Variants in CDH18 observed in about 807,000 individuals in gnomAD.
The protein encoded by CDH18 is cadherin-18.
CDH18 carries 31 observed loss-of-function variants against 67.9 expected under a neutral mutation model. The ratio of observed to expected loss-of-function variants is 0.46; its 90% CI spans 0.34 to 0.62. CDH18 has a LOEUF of 0.62. Ranked by LOEUF, CDH18 falls within the 20% of genes least tolerant of loss-of-function variation. The pLI is 0.01. For synonymous variants in CDH18, 362 were observed against 347.2 expected (o/e 1.04, Z -0.48); for missense variants, 890 against 975.5 (o/e 0.91, Z 1.17).
At chr5:20,003,131 T>C (rs1736583882) in intron 2 of CDH18, among the ~76,000 whole-genome samples, 1 of 152,146 alleles carries the variant, frequency 6.6e-6, no homozygotes, top group South Asian at 2.1e-4. Context: ...CAAGTATACA[T>C]TAGGATGTGA....
intron 5 of CDH18, among the ~76,000 whole-genome samples, chr5:19,669,443 C>G (rs1758440549): frequency 6.6e-6 from 1 of 151,748 alleles, no homozygotes; most frequent in Non-Finnish European, 1.5e-5. Flanking sequence ...CAGGCACATG[C>G]CACCACATCT....
chr5:19,873,577 G>A (rs1240720050), intron 2 of CDH18, among the ~76,000 whole-genome samples: 2 of 152,094 alleles, frequency 1.3e-5, no homozygotes, highest in Non-Finnish European at 2.9e-5. Flanking sequence ...AAGATTTGAA[G>A]CCTTTGGAAA....
intron 2 of CDH18, among the ~76,000 whole-genome samples, chr5:19,966,554 T>A (rs541674499): frequency 2.0e-5 from 3 of 152,094 alleles, no homozygotes; most frequent in Non-Finnish European, 4.4e-5. Context: ...ATCAGTCACA[T>A]GGTATAAAGA....
chr5:19,960,272 T>C (rs940354395), intron 2 of CDH18, among the ~76,000 whole-genome samples: 9 of 152,062 alleles, frequency 5.9e-5, no homozygotes, highest in Non-Finnish European at 1.3e-4. Flanking sequence ...CTGTATAAAA[T>C]ATTTTCTTTC....
In CDH18 at chr5:19,488,218, A is replaced by G. The variant is rs554178281; in HGVS notation, c.1631-4666T>C. Among the ~76,000 whole-genome samples the G allele has an allele frequency of 2.5e-3, 378 of 152,310 alleles. 1 individual carries two copies. Among genetic ancestry groups the G allele is most frequent in the Non-Finnish European group, 4.4e-3 (296 of 68,008 alleles). ...CTTTAAAATAGGTTTTGGGGCAAAA[A>G]TAAATCCTATTTTTTAGTCCAAAAT... On this transcript the variant is annotated intron_variant, in intron 11 of 12. Coordinates refer to ENST00000382275, the MANE Select transcript of CDH18 (RefSeq NM_004934.5).
intron 9 of CDH18, among the ~76,000 whole-genome samples, chr5:19,530,729 C>A (rs941898289): frequency 2.6e-5 from 4 of 152,114 alleles, no homozygotes; most frequent in African/African-American, 9.7e-5. Context: ...TGATGGTTTC[C>A]GGTTTCATCC....
intron 5 of CDH18, among the ~76,000 whole-genome samples, chr5:19,656,275 GATAATA>G (rs1248077528): frequency 6.6e-6 from 1 of 151,918 alleles, no homozygotes; most frequent in African/African-American, 2.4e-5. Flanking sequence ...AAAGTCTAGT[GATAATA>G]ATAATTCGTG....
At chr5:19,968,362 C>A (rs1797679799) in intron 2 of CDH18, among the ~76,000 whole-genome samples, 1 of 152,096 alleles carries the variant, frequency 6.6e-6, no homozygotes, top group African/African-American at 2.4e-5. Flanking sequence ...CATATGGAAC[C>A]AAAAAAGAGC....
In CDH18 at chr5:19,742,734, ACTCTCTCT is replaced by A. The variant is rs146611270; in HGVS notation, c.523+4200_523+4207del. ...AGCTCTCAGCACATAAAGTGCATTTACTCTCTCTCTCTCTCTCTCTCTCACTCAAGAAA... is the reference window on the plus strand; with the variant it reads ...AGCTCTCAGCACATAAAGTGCATTTACTCTCTCTCTCTCTCACTCAAGAAA... On this transcript the variant is annotated intron_variant, in intron 4 of 12. Transcript: ENST00000382275. 4.8e-5 allele frequency among the ~76,000 whole-genome samples: 7 copies of A among 146,818 alleles called. No individual in the cohort carries two copies. In the South Asian group the frequency reaches 6.4e-4, roughly 14 times the overall value.
At chr5:20,314,630 G>T (rs1242496510) in intron 1 of CDH18, among the ~76,000 whole-genome samples, 1 of 152,062 alleles carries the variant, frequency 6.6e-6, no homozygotes, top group Non-Finnish European at 1.5e-5. Context: ...TTTGAGCACA[G>T]CGCTCATTTG....
chr5:19,721,363 G>A lies in CDH18; in HGVS notation c.627C>T (p.Ser209=), dbSNP rs267600591. The A allele has an allele frequency of 6.9e-6, 11 of 1,604,048 alleles. No individual in the cohort carries two copies. In the East Asian group the frequency reaches 1.1e-4, roughly 16 times the overall value. The change falls in exon 5 of 13, where the codon TCC becomes TCT. Residue 209 remains serine (S), a synonymous_variant. Transcript: ENST00000382275. ...TGCACTAACCTGTTTTAGGGTCGAC[G>A]GAGAAGTAGGGTTGTCCTTGGAGAA... The part of the protein sequence containing the change: ...YSILQGQPYF[S]VDPKTGVIRT...
intron 3 of CDH18, among the ~76,000 whole-genome samples, chr5:19,828,285 T>C (rs1304751942): frequency 6.6e-6 from 1 of 152,008 alleles, no homozygotes; most frequent in Non-Finnish European, 1.5e-5. Context: ...ACTGAAAAGA[T>C]GTATAAGGAA....
intron 1 of CDH18, among the ~76,000 whole-genome samples, chr5:20,496,553 T>C (rs1364588453): frequency 2.0e-5 from 3 of 152,162 alleles, no homozygotes; most frequent in Admixed American, 6.6e-5. Flanking sequence ...TTAATATTCA[T>C]TTTTTTGAGA....
intron 10 of CDH18, among the ~76,000 whole-genome samples, chr5:19,509,756 CTCTT>C (rs1451694740): frequency 2.6e-5 from 4 of 152,146 alleles, no homozygotes; most frequent in South Asian, 2.1e-4. Context: ...AGAATAGACT[CTCTT>C]TATTTTTTCA....
At chr5:20,470,102 C>G (rs530175603) in intron 1 of CDH18, among the ~76,000 whole-genome samples, 2 of 152,274 alleles carry the variant, frequency 1.3e-5, no homozygotes, top group African/African-American at 4.8e-5. Flanking sequence ...TCTCGGGCAG[C>G]CCTACTGTGA....
At chr5:20,526,769 G>T (rs573978999) in intron 1 of CDH18, among the ~76,000 whole-genome samples, 1 of 152,090 alleles carries the variant, frequency 6.6e-6, no homozygotes, top group Admixed American at 6.5e-5. Context: ...CAGCTTCAAA[G>T]ATCAAAGTTA....
At chr5:20,119,006 C>CA (rs1748138425) in intron 2 of CDH18, among the ~76,000 whole-genome samples, 1 of 152,046 alleles carries the variant, frequency 6.6e-6, no homozygotes, top group African/African-American at 2.4e-5. Context: ...CTATTTTGCA[C>CA]AATTATACTT....
intron 3 of CDH18, among the ~76,000 whole-genome samples, chr5:19,761,107 C>A (rs188222557): frequency 6.6e-6 from 1 of 152,088 alleles, no homozygotes; most frequent in Non-Finnish European, 1.5e-5. Flanking sequence ...AGATACCTGG[C>A]GAGGTCGTGC....
At chr5:19,572,193 A>C (rs928735716) in intron 7 of CDH18, among the ~76,000 whole-genome samples, 4 of 152,160 alleles carry the variant, frequency 2.6e-5, no homozygotes, top group African/African-American at 9.7e-5. Flanking sequence ...AGCATGATTG[A>C]TATAAAAGGC....
Sources: gnomAD v4.1 joint callset for allele counts (sites outside exome capture counted in the v4.1 genomes callset) on GRCh38, gnomAD v4.1.1 for gene constraint, MANE v1.5 for transcripts, NCBI Gene and HGNC (gene_info 2026-07-23, HGNC 2026-07-21) for gene names.